The following RALYL variants were observed in gnomAD, a reference collection of about 807,000 sequenced individuals.
RALYL encodes RALY RNA binding protein like.
In RALYL, 29 loss-of-function variants were observed where a neutral mutation model predicts 35.1. That is an observed-to-expected ratio of 0.83 (90% CI 0.61 to 1.13). The LOEUF is 1.13. Ranked by LOEUF, RALYL falls within the 50% of genes most tolerant of loss-of-function variation. RALYL has a pLI of 0.00. For synonymous variants in RALYL, 120 were observed against 127.6 expected, an observed-to-expected ratio of 0.94 and a Z score of 0.40; for missense variants, 359 against 360.4, an observed-to-expected ratio of 1.00 and a Z score of 0.03.
intron 1 of RALYL, among the ~76,000 whole-genome samples, chr8:84,235,761 CTTTTTCTT>C (rs1197784812): frequency 2.9e-5 from 4 of 138,214 alleles, no homozygotes; most frequent in Non-Finnish European, 4.6e-5. Context: ...TTTTCTTTTT[CTTTTTCTT>C]TTTTTTTTTT....
chr8:84,809,607 G>GT (rs1825447606), intron 4 of RALYL, among the ~76,000 whole-genome samples: 1 of 151,954 alleles, frequency 6.6e-6, no homozygotes, highest in Non-Finnish European at 1.5e-5. Flanking sequence ...AATCCATCTG[G>GT]TCCTGGACAT....
At chr8:84,286,112 A>G (rs969804254) in intron 1 of RALYL, among the ~76,000 whole-genome samples, 5 of 152,074 alleles carry the variant, frequency 3.3e-5, no homozygotes, top group African/African-American at 9.7e-5. Flanking sequence ...AGTTTATGGT[A>G]TGAGAGAAAG....
chr8:84,554,586 C>T (rs2060965903), intron 2 of RALYL, among the ~76,000 whole-genome samples: 1 of 152,116 alleles, frequency 6.6e-6, no homozygotes. Context: ...GTAATACTTA[C>T]AGCCCCTCAG....
chr8:84,883,513 G>A (rs1403448985), intron 7 of RALYL, among the ~76,000 whole-genome samples: 2 of 151,962 alleles, frequency 1.3e-5, no homozygotes, highest in Non-Finnish European at 2.9e-5. Context: ...TGAGAGCCAG[G>A]AGAAACGGGA....
chr8:84,325,406 C>G (rs5009140), intron 1 of RALYL, among the ~76,000 whole-genome samples: 1 of 152,258 alleles, frequency 6.6e-6, no homozygotes, highest in Non-Finnish European at 1.5e-5. Context: ...TAAAATTTGC[C>G]AAACTCAGTT....
intron 1 of RALYL, among the ~76,000 whole-genome samples, chr8:84,203,767 GAT>G (rs1563525965): frequency 6.6e-6 from 1 of 152,070 alleles, no homozygotes; most frequent in East Asian, 1.9e-4. Flanking sequence ...GCTTCTTAAA[GAT>G]AGGTATTGTG....
At chr8:84,218,304 A>G (rs1821327257) in intron 1 of RALYL, among the ~76,000 whole-genome samples, 1 of 152,072 alleles carries the variant, frequency 6.6e-6, no homozygotes, top group African/African-American at 2.4e-5. Flanking sequence ...CTATCCCAGC[A>G]GAAATATTGC....
intron 1 of RALYL, among the ~76,000 whole-genome samples, chr8:84,349,240 ACCCAT>A (rs1181207070): frequency 6.7e-6 from 1 of 150,348 alleles, no homozygotes; most frequent in Non-Finnish European, 1.5e-5. Context: ...AACACTTACC[ACCCAT>A]CCCTCTCCAG....
chr8:84,671,755 A>G (rs1833292270), intron 2 of RALYL, among the ~76,000 whole-genome samples: 1 of 152,142 alleles, frequency 6.6e-6, no homozygotes, highest in Non-Finnish European at 1.5e-5. Context: ...CAGCCCACGA[A>G]ACCATTTTTT....
chr8:84,252,780 T>TTAA lies in RALYL; in HGVS notation c.-24+68358_-24+68360dup, dbSNP rs556351308. 4.1e-3 allele frequency among the ~76,000 whole-genome samples: 617 copies of TTAA among 152,294 alleles called. 4 individuals carry two copies. The highest frequency in any genetic ancestry group is 0.014 in the African/African-American group (592 of 41,576). On this transcript the variant is annotated intron_variant, in intron 1 of 8. Transcript: ENST00000521268. Reference sequence around the variant, plus strand: ...AAATAGGCCTAACTGTTGATGGTTTTTAATTAAGTTGATGTATAATTGATA... The same window carrying TTAA: ...AAATAGGCCTAACTGTTGATGGTTTTTAATAATTAAGTTGATGTATAATTGATA...
At chr8:84,708,855 G>A (rs946956651) in intron 2 of RALYL, among the ~76,000 whole-genome samples, 1 of 152,108 alleles carries the variant, frequency 6.6e-6, no homozygotes, top group African/African-American at 2.4e-5. Flanking sequence ...TTAAAACACT[G>A]ACGTAGAGGA....
chr8:84,660,626 T>A lies in RALYL; in HGVS notation c.257-113953T>A, dbSNP rs182482290. ...CTATTATATTTAGATATTCTTCAAT[T>A]TTTTTTGCTTTTCCCCAGTTTTAAG... On this transcript the variant is annotated intron_variant, in intron 2 of 8. Coordinates refer to ENST00000521268, the MANE Select transcript of RALYL (RefSeq NM_173848.7). 3.4e-5 allele frequency among the ~76,000 whole-genome samples: 5 copies of A among 147,366 alleles called. No homozygotes were observed. The East Asian group carries it at 9.6e-4, about 28-fold the overall frequency.
chr8:84,265,991 T>C (rs554476113), intron 1 of RALYL, among the ~76,000 whole-genome samples: 1 of 152,346 alleles, frequency 6.6e-6, no homozygotes, highest in East Asian at 1.9e-4. Flanking sequence ...ATAAATTTTT[T>C]AAAACTCCTT....
At chr8:84,230,937 C>G (rs189748387) in intron 1 of RALYL, among the ~76,000 whole-genome samples, 34 of 152,306 alleles carry the variant, frequency 2.2e-4, no homozygotes, top group African/African-American at 8.2e-4. Context: ...CCATGCTACA[C>G]CACCTCTGTT....
chr8:84,808,474 T>G (rs542285985), intron 4 of RALYL, among the ~76,000 whole-genome samples: 32 of 152,234 alleles, frequency 2.1e-4, no homozygotes, highest in African/African-American at 7.5e-4. Flanking sequence ...TTAGTCTTGT[T>G]TTGGCTATAC....
chr8:84,769,773 C>A (rs1056518968), intron 2 of RALYL, among the ~76,000 whole-genome samples: 2 of 152,086 alleles, frequency 1.3e-5, no homozygotes, highest in Admixed American at 1.3e-4. Flanking sequence ...ACCCTATTTT[C>A]TCTGATGTGA....
chr8:84,189,666 C>T (rs570112867), intron 1 of RALYL, among the ~76,000 whole-genome samples: 4 of 149,600 alleles, frequency 2.7e-5, no homozygotes, highest in South Asian at 2.1e-4. Flanking sequence ...TCTTAACTGA[C>T]GACTCATGTT....
chr8:84,423,343 T>A (rs2045917771), intron 1 of RALYL, among the ~76,000 whole-genome samples: 1 of 149,302 alleles, frequency 6.7e-6, no homozygotes, highest in Admixed American at 6.6e-5. Flanking sequence ...TGGTTTAAAG[T>A]CTGTTTTATC....
At chr8:84,688,637 G>C (rs1837340890) in intron 2 of RALYL, among the ~76,000 whole-genome samples, 1 of 151,850 alleles carries the variant, frequency 6.6e-6, no homozygotes, top group African/African-American at 2.4e-5. Context: ...AAAAAACATA[G>C]GGAAAAAGCT....
Sources: allele counts gnomAD v4.1 joint callset (sites outside exome capture counted in the v4.1 genomes callset), GRCh38; gene constraint gnomAD v4.1.1; transcripts MANE v1.5; gene names NCBI Gene and HGNC (gene_info 2026-07-23, HGNC 2026-07-21).